EYS: variants seen among roughly 807,000 people sequenced by gnomAD.
EYS encodes protein eyes shut homolog.
In EYS, 250 loss-of-function variants were observed where a neutral mutation model predicts 282.1. That is an observed-to-expected ratio of 0.89 (90% CI 0.80 to 0.98). The LOEUF (loss-of-function observed/expected upper bound fraction) is 0.98, where lower values mean the gene tolerates loss of function less well. Ranked by LOEUF, EYS falls within the 50% of genes least tolerant of loss-of-function variation. The pLI, the probability that EYS is intolerant of heterozygous loss-of-function variation, is 0.00. For synonymous variants in EYS, 1,355 were observed against 1,282.9 expected (o/e 1.06, Z -1.20); for missense variants, 4,016 against 3,709.0 (o/e 1.08, Z -2.15).
At chr6:65,010,329 A>G (rs1026257419) in intron 13 of EYS, among the ~76,000 whole-genome samples, 1 of 152,224 alleles carries the variant, frequency 6.6e-6, no homozygotes, top group Non-Finnish European at 1.5e-5. Context: ...CATGATGTGA[A>G]TGGCATACTA....
At chr6:65,444,987 T>G (rs1768596921) in intron 5 of EYS, among the ~76,000 whole-genome samples, 1 of 152,012 alleles carries the variant, frequency 6.6e-6, no homozygotes, top group African/African-American at 2.4e-5. Context: ...TCCAAATACT[T>G]TATGCATAGC....
Position 64,217,825 on chromosome 6 carries a change from T to G in EYS, c.6424+12767A>C, listed in dbSNP as rs546948469. Among the ~76,000 whole-genome samples the G allele has an allele frequency of 5.0e-4, 76 of 152,298 alleles. 2 individuals are homozygous for G. The South Asian group carries it at 0.015, about 29-fold the overall frequency. The stretch of plus-strand genomic sequence containing the variant: ...AGTTAGAGTTTATCAAAGAAGATGA[T>G]TCTTCAGAGGAATTTAAGAGTAGAA... On this transcript the variant is annotated intron_variant, in intron 31 of 42. Transcript: ENST00000503581.
intron 5 of EYS, among the ~76,000 whole-genome samples, chr6:65,461,483 C>T (rs1764824716): frequency 6.6e-6 from 1 of 152,044 alleles, no homozygotes; most frequent in Non-Finnish European, 1.5e-5. Context: ...CTCTCATATT[C>T]CTTTCTTCCT....
chr6:64,093,218 G>C (rs1270045718), intron 31 of EYS, among the ~76,000 whole-genome samples: 1 of 151,974 alleles, frequency 6.6e-6, no homozygotes. Context: ...TTTGGCTTAG[G>C]ATTGACTTGA....
intron 22 of EYS, among the ~76,000 whole-genome samples, chr6:64,682,176 A>G (rs184529657): frequency 1.3e-5 from 2 of 152,288 alleles, no homozygotes; most frequent in Admixed American, 1.3e-4. Context: ...CATCCTGGCT[A>G]ATAGGGTGAA....
intron 31 of EYS, among the ~76,000 whole-genome samples, chr6:64,146,239 C>T (rs1383253823): frequency 6.6e-6 from 1 of 152,034 alleles, no homozygotes; most frequent in African/African-American, 2.4e-5. Flanking sequence ...GGAATATTAC[C>T]ATCCATTGTA....
intron 13 of EYS, among the ~76,000 whole-genome samples, chr6:65,028,253 A>G (rs1004799903): frequency 5.9e-5 from 9 of 151,960 alleles, no homozygotes; most frequent in South Asian, 2.1e-4. Flanking sequence ...GTTTTGGGAT[A>G]TTTTGCTATA....
intron 5 of EYS, chr6:65,489,867 C>T (rs1765967652): frequency 6.6e-6 from 1 of 152,178 alleles, no homozygotes; most frequent in South Asian, 2.1e-4. Flanking sequence ...TCTCAGCAAA[C>T]TATCGCAAGA....
intron 14 of EYS, among the ~76,000 whole-genome samples, chr6:64,958,365 G>T (rs1255130023): frequency 1.4e-5 from 2 of 146,470 alleles, no homozygotes; most frequent in Non-Finnish European, 3.0e-5. Flanking sequence ...CTGGGTGACA[G>T]AGTGAGACTC....
intron 2 of EYS, among the ~76,000 whole-genome samples, chr6:65,507,929 A>G (rs1210262283): frequency 6.6e-6 from 1 of 152,136 alleles, no homozygotes; most frequent in African/African-American, 2.4e-5. Flanking sequence ...TGATGTATGA[A>G]TTTGGTTCTG....
At position 64,950,816 on chromosome 6, in the gene EYS, T is replaced by TACATAC. The variant is rs1562272717; in HGVS notation, c.2260-4903_2260-4902insGTATGT. Among the ~76,000 whole-genome samples the TACATAC allele has an allele frequency of 4.5e-5, 5 of 111,582 alleles. No homozygotes were observed. The East Asian group carries it at 1.4e-3, about 31-fold the overall frequency. The allele number at this position is 111,582 out of a possible 152,430, so 73.2% of individuals were successfully genotyped here. On this transcript the variant is annotated intron_variant, in intron 14 of 42. Transcript: ENST00000503581. Reference sequence around the variant, plus strand: ...ACATATACATATATATATATATATATATATATATATATATATATTGTTGAA... The same window carrying TACATAC: ...ACATATACATATATATATATATATATACATACATATATATATATATATATTGTTGAA...
rs551742137 is a variant in EYS at position 64,067,886 on chromosome 6, A to G, written c.6572-1395T>C. On this transcript the variant is annotated intron_variant, in intron 32 of 42. Transcript: ENST00000503581. Reference sequence around the variant, plus strand: ...CCATTAAGTTAATATTTAAAATTTAATTACTGTTTCTAGTGTAGATAGACA... The same window carrying G: ...CCATTAAGTTAATATTTAAAATTTAGTTACTGTTTCTAGTGTAGATAGACA... 5.3e-5 allele frequency among the ~76,000 whole-genome samples: 8 copies of G among 152,270 alleles called. No individual in the cohort carries two copies. The South Asian group carries it at 1.5e-3, about 28-fold the overall frequency.
At chr6:64,553,555 C>T (rs796906820) in intron 26 of EYS, among the ~76,000 whole-genome samples, 1 of 137,934 alleles carries the variant, frequency 7.2e-6, no homozygotes, top group Non-Finnish European at 1.6e-5. Flanking sequence ...ACCCCCCCCC[C>T]CCCATAGGCA....
At chr6:64,391,572 T>C (rs1019897259) in intron 28 of EYS, among the ~76,000 whole-genome samples, 3 of 151,968 alleles carry the variant, frequency 2.0e-5, no homozygotes, top group African/African-American at 7.3e-5. Context: ...GTCAAGCAAA[T>C]GCTGAGAGAT....
At chr6:65,387,621 A>G (rs1765851764) in intron 7 of EYS, among the ~76,000 whole-genome samples, 1 of 151,966 alleles carries the variant, frequency 6.6e-6, no homozygotes, top group African/African-American at 2.4e-5. Context: ...ACTTTTGCTT[A>G]AAGTTTTCTA....
chr6:64,279,750 G>T (rs2150361068), intron 30 of EYS, among the ~76,000 whole-genome samples: 1 of 152,278 alleles, frequency 6.6e-6, no homozygotes, highest in African/African-American at 2.4e-5. Flanking sequence ...GAAGCAGCCT[G>T]TTGTTCCTTT....
At chr6:63,726,797 G>C in intron 41 of EYS, 117 bp from the exon 42 acceptor site, 1 of 917,928 alleles carries the variant, frequency 1.1e-6, no homozygotes, top group Non-Finnish European at 1.6e-6. Flanking sequence ...TCGCCCAAGA[G>C]TTGCTTGTAG....
At chr6:65,278,338 A>ATTCT (rs1484045378) in intron 12 of EYS, among the ~76,000 whole-genome samples, 72 of 146,414 alleles carry the variant, frequency 4.9e-4, no homozygotes, top group African/African-American at 9.4e-4. Flanking sequence ...ATATATATAG[A>ATTCT]ATCTATATAT....
chr6:65,489,978 G>A (rs1204857056), intron 5 of EYS: 3 of 152,202 alleles, frequency 2.0e-5, no homozygotes, highest in Non-Finnish European at 1.5e-5. Flanking sequence ...GGGCCTGTTG[G>A]GGGTTGGCGG....
Sources: allele counts gnomAD v4.1 joint callset (sites outside exome capture counted in the v4.1 genomes callset), GRCh38; gene constraint gnomAD v4.1.1; transcripts MANE v1.5; gene names NCBI Gene and HGNC (gene_info 2026-07-23, HGNC 2026-07-21).